The following RORA variants were observed in gnomAD, a reference collection of about 807,000 sequenced individuals.
The protein encoded by RORA is RAR related orphan receptor A.
RORA carries 7 observed loss-of-function variants against 69.5 expected under a neutral mutation model. That is an observed-to-expected ratio of 0.10 (90% CI 0.06 to 0.19). The LOEUF (loss-of-function observed/expected upper bound fraction) is 0.19. RORA is among the 10% of genes least tolerant of loss of function. RORA has a pLI of 1.00. For synonymous variants in RORA, 261 were observed against 240.8 expected (o/e 1.08, Z -0.78); for missense variants, 457 against 663.0 (o/e 0.69, Z 3.41).
At chr15:60,745,023 T>C (rs1309435481) in intron 1 of RORA, among the ~76,000 whole-genome samples, 4 of 152,212 alleles carry the variant, frequency 2.6e-5, no homozygotes, top group Non-Finnish European at 1.5e-5. Flanking sequence ...GATGGTGACT[T>C]CACCCGCTGG....
intron 2 of RORA, among the ~76,000 whole-genome samples, chr15:60,597,584 A>ATATATG (rs1171833650): frequency 4.5e-5 from 1 of 22,302 alleles, no homozygotes; most frequent in Non-Finnish European, 8.0e-5. Context: ...ACACATATAT[A>ATATATG]TATATATATA....
intron 1 of RORA, among the ~76,000 whole-genome samples, chr15:61,212,711 C>T (rs1214859798): frequency 6.6e-6 from 1 of 152,128 alleles, no homozygotes; most frequent in African/African-American, 2.4e-5. Flanking sequence ...TTTTTTACAC[C>T]TTATGTAGAT....
chr15:60,596,501 C>T (rs2068669016), intron 2 of RORA, among the ~76,000 whole-genome samples: 1 of 152,000 alleles, frequency 6.6e-6, no homozygotes, highest in Admixed American at 6.6e-5. Context: ...CCTATAAACA[C>T]AATAGGGTCA....
chr15:60,616,768 G>A (rs546001970), intron 2 of RORA, among the ~76,000 whole-genome samples: 1 of 152,200 alleles, frequency 6.6e-6, no homozygotes, highest in African/African-American at 2.4e-5. Context: ...GCGTTCTGTG[G>A]TTGAGGTACA....
intron 5 of RORA, among the ~76,000 whole-genome samples, chr15:60,508,029 C>G (rs2065569441): frequency 6.6e-6 from 1 of 152,184 alleles, no homozygotes; most frequent in Non-Finnish European, 1.5e-5. Flanking sequence ...CACCAACAGC[C>G]TTTCATTCCA....
rs547461685 is a variant in RORA, at chr15:61,069,422, G to C, written c.166+159631C>G. Among the ~76,000 whole-genome samples the C allele has an allele frequency of 5.7e-4, 87 of 152,182 alleles. 2 individuals are homozygous for C. In the South Asian group the frequency reaches 0.011, roughly 19 times the overall value. On this transcript the variant is annotated intron_variant, in intron 1 of 10. Coordinates refer to ENST00000335670, the MANE Select transcript of RORA (RefSeq NM_134261.3). ...AAAAGCAAAAAGAAATTTCAGAAAA[G>C]ATAACAAATTAGTTTAGCAAAGTCA... is the stretch of plus-strand genomic sequence containing the variant.
At chr15:60,515,998 TA>T (rs1567051238) in intron 3 of RORA, among the ~76,000 whole-genome samples, 228 of 10,050 alleles carry the variant, frequency 0.023, 12 homozygotes, top group Non-Finnish European at 0.028. Context: ...TATTTATATA[TA>T]TTTATATATA....
intron 1 of RORA, among the ~76,000 whole-genome samples, chr15:60,757,096 AT>A (rs910452092): frequency 6.6e-6 from 1 of 152,200 alleles, no homozygotes; most frequent in African/African-American, 2.4e-5. Context: ...GTTTAAAAAA[AT>A]GTTCAAATAA....
chr15:60,560,480 G>A (rs1464758200), intron 2 of RORA, among the ~76,000 whole-genome samples: 528 of 150,080 alleles, frequency 3.5e-3, no homozygotes, highest in African/African-American at 0.013. Flanking sequence ...GATCACTTGA[G>A]CTCAGGAGTT....
intron 2 of RORA, among the ~76,000 whole-genome samples, chr15:60,544,024 C>G (rs2066990424): frequency 6.6e-6 from 1 of 152,118 alleles, no homozygotes; most frequent in African/African-American, 2.4e-5. Flanking sequence ...GGGAGAGAGG[C>G]CTCACACACT....
At chr15:60,522,382 G>T (rs1482063019) in intron 3 of RORA, among the ~76,000 whole-genome samples, 1 of 152,156 alleles carries the variant, frequency 6.6e-6, no homozygotes, top group Non-Finnish European at 1.5e-5. Flanking sequence ...TACAGATCAG[G>T]GTTTGATTTA....
chr15:60,736,034 C>T (rs76688549), intron 1 of RORA, among the ~76,000 whole-genome samples: 3,268 of 152,252 alleles, frequency 0.021, 132 homozygotes, highest in African/African-American at 0.075. Context: ...TACCTGTCAA[C>T]TTTAAGGCGT....
At chr15:60,501,194 A>G in intron 8 of RORA, 125 bp from the exon 9 acceptor site, 1 of 647,178 alleles carries the variant, frequency 1.5e-6, no homozygotes, top group Non-Finnish European at 2.8e-6. Context: ...AAACATGGGG[A>G]AGGTGAAGAG....
At chr15:61,168,211 TGCGTGC>T (rs1567020143) in intron 1 of RORA, among the ~76,000 whole-genome samples, 3 of 146,184 alleles carry the variant, frequency 2.1e-5, no homozygotes, top group South Asian at 2.1e-4. Context: ...CGCGCGTGCG[TGCGTGC>T]GTGTGTGTGT....
At chr15:61,161,243 T>C (rs566782556) in intron 1 of RORA, among the ~76,000 whole-genome samples, 116 of 152,334 alleles carry the variant, frequency 7.6e-4, no homozygotes, top group African/African-American at 2.7e-3. Context: ...TTGTGGACTA[T>C]CTTTCTGAAT....
intron 2 of RORA, among the ~76,000 whole-genome samples, chr15:60,655,318 T>C (rs2070204131): frequency 2.0e-5 from 3 of 152,132 alleles, no homozygotes; most frequent in South Asian, 4.1e-4. Context: ...CAGATATCCA[T>C]GGCAAGGCCC....
chr15:60,811,968 C>A (rs2140368162), intron 1 of RORA, among the ~76,000 whole-genome samples: 2 of 152,226 alleles, frequency 1.3e-5, no homozygotes, highest in Middle Eastern at 3.4e-3. Context: ...GCAAAGTTTT[C>A]TAATTATTAA....
chr15:60,773,350 C>T (rs920309558), intron 1 of RORA, among the ~76,000 whole-genome samples: 3 of 152,016 alleles, frequency 2.0e-5, no homozygotes, highest in African/African-American at 7.2e-5. Flanking sequence ...CATGGATGTA[C>T]ATATTTGTTT....
intron 1 of RORA, among the ~76,000 whole-genome samples, chr15:60,904,848 G>A (rs916371447): frequency 6.6e-6 from 1 of 152,114 alleles, no homozygotes; most frequent in African/African-American, 2.4e-5. Context: ...AGAAAAATAG[G>A]GGTGGTGTGG....
Sources: gnomAD v4.1 joint callset for allele counts (sites outside exome capture counted in the v4.1 genomes callset) on GRCh38, gnomAD v4.1.1 for gene constraint, MANE v1.5 for transcripts, NCBI Gene and HGNC (gene_info 2026-07-23, HGNC 2026-07-21) for gene names.